Variants in ATE1 observed in about 807,000 individuals in gnomAD.
ATE1 encodes arginyl-tRNA--protein transferase 1.
A neutral mutation model predicts 70.5 loss-of-function variants in ATE1; 36 were observed. The observed-to-expected ratio is 0.51, with a 90% CI of 0.39 to 0.67. The LOEUF (loss-of-function observed/expected upper bound fraction) is 0.67, where lower values mean the gene tolerates loss of function less well. Among genes scored for constraint, ATE1 ranks in the 30% least tolerant of loss-of-function variants. The pLI, the probability that ATE1 is intolerant of heterozygous loss-of-function variation, is 0.00. For synonymous variants in ATE1, 232 were observed against 219.3 expected (o/e 1.06, Z -0.51); for missense variants, 593 against 629.5 (o/e 0.94, Z 0.62).
intron 11 of ATE1, among the ~76,000 whole-genome samples, chr10:121,772,660 T>G (rs1945571262): frequency 6.6e-6 from 1 of 152,202 alleles, no homozygotes; most frequent in African/African-American, 2.4e-5. Flanking sequence ...GCTCCATATC[T>G]TTCAGTAACT....
At chr10:121,898,638 G>C (rs1364108737) in intron 7 of ATE1, among the ~76,000 whole-genome samples, 5 of 152,094 alleles carry the variant, frequency 3.3e-5, no homozygotes, top group African/African-American at 1.2e-4. Flanking sequence ...GGTTCCTAGA[G>C]AAAACACTAA....
intron 4 of ATE1, among the ~76,000 whole-genome samples, chr10:121,911,743 G>A (rs1951440843): frequency 6.8e-6 from 1 of 147,334 alleles, no homozygotes; most frequent in Admixed American, 6.9e-5. Context: ...GTTATGTGAG[G>A]AAAGAAACAG....
chr10:121,924,364 G>C, intron 1 of ATE1, 35 bp from the exon 2 acceptor site: 1 of 1,589,806 alleles, frequency 6.3e-7, no homozygotes, highest in Non-Finnish European at 8.6e-7. Flanking sequence ...TTACGGCAGG[G>C]TAACCTTTTT....
intron 11 of ATE1, among the ~76,000 whole-genome samples, chr10:121,766,517 C>T (rs1309237442): frequency 6.6e-6 from 1 of 152,042 alleles, no homozygotes; most frequent in Non-Finnish European, 1.5e-5. Flanking sequence ...GTGATAAACT[C>T]CCTGGGTTTT....
At chr10:121,769,739 C>T (rs1002389710) in intron 11 of ATE1, among the ~76,000 whole-genome samples, 2 of 152,106 alleles carry the variant, frequency 1.3e-5, no homozygotes, top group African/African-American at 4.8e-5. Context: ...GATTAATGGA[C>T]GGCAAACAAG....
In ATE1 at chr10:121,901,439, T is replaced by C. The variant is rs190984553; in HGVS notation, c.813+952A>G. Among the ~76,000 whole-genome samples the C allele has an allele frequency of 2.7e-4, 41 of 152,274 alleles. No homozygotes were observed. In the East Asian group the frequency reaches 7.5e-3, roughly 28 times the overall value. On this transcript the variant is annotated intron_variant, in intron 6 of 11. Coordinates refer to ENST00000224652, the MANE Select transcript of ATE1 (RefSeq NM_001001976.3). ...TTACTAATCACATATGAGAATAAGATAAAAATCATTATGGCTAATGTTTTT... is the reference window on the plus strand; with the variant it reads ...TTACTAATCACATATGAGAATAAGACAAAAATCATTATGGCTAATGTTTTT...
intron 11 of ATE1, among the ~76,000 whole-genome samples, chr10:121,756,376 T>A (rs1024246174): frequency 1.3e-5 from 2 of 152,138 alleles, no homozygotes; most frequent in African/African-American, 4.8e-5. Flanking sequence ...TGCAGGCTGT[T>A]GGTAGATCTG....
intron 11 of ATE1, among the ~76,000 whole-genome samples, chr10:121,750,642 T>G (rs1944541468): frequency 6.6e-6 from 1 of 152,238 alleles, no homozygotes; most frequent in Non-Finnish European, 1.5e-5. Context: ...TATGGGGATT[T>G]AACTCATTTG....
At chr10:121,757,250 A>G (rs1275978026) in intron 11 of ATE1, among the ~76,000 whole-genome samples, 2 of 152,222 alleles carry the variant, frequency 1.3e-5, no homozygotes, top group Non-Finnish European at 2.9e-5. Context: ...AGACCACCTC[A>G]GCCTGGTCCT....
chr10:121,763,140 T>C (rs1240796541), intron 11 of ATE1, among the ~76,000 whole-genome samples: 1 of 152,182 alleles, frequency 6.6e-6, no homozygotes, highest in Non-Finnish European at 1.5e-5. Context: ...AAAGGATGTA[T>C]ACTTAAGGGT....
At chr10:121,858,942 A>G (rs1188952836) in intron 8 of ATE1, among the ~76,000 whole-genome samples, 1 of 151,790 alleles carries the variant, frequency 6.6e-6, no homozygotes, top group Non-Finnish European at 1.5e-5. Context: ...CTAAAAATAC[A>G]AAATTAGCCA....
intron 8 of ATE1, among the ~76,000 whole-genome samples, chr10:121,850,223 G>A (rs981397343): frequency 3.6e-4 from 55 of 152,104 alleles, no homozygotes; most frequent in East Asian, 3.8e-4. Flanking sequence ...AGAGAAGCTC[G>A]AAAACACCAA....
At chr10:121,903,658 G>A (rs977746377) in intron 5 of ATE1, among the ~76,000 whole-genome samples, 2 of 151,986 alleles carry the variant, frequency 1.3e-5, no homozygotes, top group Non-Finnish European at 2.9e-5. Flanking sequence ...CTGCACTCCA[G>A]CCTGGGCGAC....
At chr10:121,780,672 A>G (rs1356455149) in intron 11 of ATE1, among the ~76,000 whole-genome samples, 1 of 152,192 alleles carries the variant, frequency 6.6e-6, no homozygotes, top group Non-Finnish European at 1.5e-5. Flanking sequence ...TCTAAAGTCC[A>G]GCTGCACTCT....
intron 11 of ATE1, among the ~76,000 whole-genome samples, chr10:121,747,216 A>G (rs1944406476): frequency 1.3e-5 from 2 of 152,210 alleles, no homozygotes; most frequent in African/African-American, 2.4e-5. Flanking sequence ...CCAGGGACAT[A>G]TTCAAAGGAG....
chr10:121,879,774 A>G (rs1950171943), intron 7 of ATE1, among the ~76,000 whole-genome samples: 1 of 152,208 alleles, frequency 6.6e-6, no homozygotes, highest in Admixed American at 6.5e-5. Flanking sequence ...AAGACCCAGT[A>G]ATGCTGAAGT....
chr10:121,847,167 G>C (rs141716201), intron 8 of ATE1, among the ~76,000 whole-genome samples: 4 of 152,142 alleles, frequency 2.6e-5, no homozygotes, highest in Non-Finnish European at 5.9e-5. Context: ...ATAATCATGC[G>C]GCTGGGCACG....
At chr10:121,913,754 A>C in intron 4 of ATE1, 36 bp downstream of exon 4, 1 of 1,437,340 alleles carries the variant, frequency 7.0e-7, no homozygotes, top group Non-Finnish European at 9.7e-7. Context: ...TTGCAAAGAC[A>C]GATAGTAAAT....
At chr10:121,914,903 C>T (rs1267040478) in intron 3 of ATE1, among the ~76,000 whole-genome samples, 1 of 152,106 alleles carries the variant, frequency 6.6e-6, no homozygotes, top group African/African-American at 2.4e-5. Context: ...GTGATCAGAC[C>T]TAAAAATACT....
Sources: allele counts gnomAD v4.1 joint callset (sites outside exome capture counted in the v4.1 genomes callset), GRCh38; gene constraint gnomAD v4.1.1; transcripts MANE v1.5; gene names NCBI Gene and HGNC (gene_info 2026-07-23, HGNC 2026-07-21).